LTO1: variants seen among roughly 807,000 people sequenced by gnomAD.
LTO1 encodes protein LTO1 homolog.
In LTO1, 18 loss-of-function variants were observed where a neutral mutation model predicts 19.8. The ratio of observed to expected loss-of-function variants is 0.91; its 90% CI spans 0.63 to 1.35. The LOEUF is 1.35. LTO1 is among the 40% of genes most tolerant of loss of function. The pLI is 0.00. For missense variants in LTO1, 175 were observed against 167.9 expected, an observed-to-expected ratio of 1.04 and a Z score of -0.23; for synonymous variants, 59 against 59.6, an observed-to-expected ratio of 0.99 and a Z score of 0.05.
chr11:69,673,051 C>T (rs571135984), intron 2 of LTO1, 165 bp downstream of exon 2: 2 of 682,048 alleles, frequency 2.9e-6, no homozygotes, highest in Non-Finnish European at 2.7e-6. Context: ...GATCCACCCA[C>T]CTCAGACTCC....
At position 69,673,271 on chromosome 11, in the gene LTO1, C is replaced by G; in HGVS notation, c.101G>C (p.Gly34Ala). The G allele has an allele frequency of 1.2e-6, 2 of 1,613,954 alleles. No individual in the cohort carries two copies. The highest frequency in any genetic ancestry group is 2.2e-5 in the South Asian group (2 of 91,072). Residue 34 changes from glycine to alanine, a missense_variant, in exon 2 of 5, where the codon GGT becomes GCT. Gly to Ala is a moderately conservative substitution (Grantham distance 60, BLOSUM62 0). Transcript: ENST00000279147. ...GCCATGCTGCCTTCCCTCCATCACA[C>G]CCAAACTACTGCCTTCTTCATAGCC... is the stretch of plus-strand genomic sequence containing the variant. Reference protein sequence around the residue: ...REGYEEGSSLGVMEGRQHGTL... With the variant: ...REGYEEGSSLAVMEGRQHGTL...
chr11:69,669,006 G>C (rs903947162), intron 3 of LTO1, among the ~76,000 whole-genome samples: 11 of 146,766 alleles, frequency 7.5e-5, no homozygotes, highest in Non-Finnish European at 1.5e-4. Context: ...CCAGCCTAGG[G>C]GACAGAGTGA....
In LTO1 at chr11:69,675,255, G is replaced by C; in HGVS notation, c.-16C>G. On this transcript the variant is annotated 5_prime_UTR_variant, in exon 1 of 5. Coordinates refer to ENST00000279147, the MANE Select transcript of LTO1 (RefSeq NM_153451.3). ...TGCCAGCCATAGCGGCAAGCAGCCC[G>C]CCCTTGGCCCCCGGGTTTCTGCAGC... 1 of 1,486,252 alleles carries C rather than the reference G, an allele frequency of 6.7e-7. No individual in the cohort carries two copies. The highest frequency in any genetic ancestry group is 8.9e-7 in the Non-Finnish European group (1 of 1,119,496). 92.1% of individuals were successfully genotyped at this position (1,486,252 alleles called of 1,614,324 possible).
At position 69,665,915 on chromosome 11, in the gene LTO1, T is replaced by C. The variant is rs1856026146; in HGVS notation, c.*1604A>G. 2 of 152,058 alleles carry C rather than the reference T, an allele frequency of 1.3e-5. No homozygotes were observed. The highest frequency in any genetic ancestry group is 4.8e-5 in the African/African-American group (2 of 41,376). 9.4% of individuals were successfully genotyped at this position (152,058 alleles called of 1,614,324 possible). Reference sequence around the variant, plus strand: ...CATGCCTGCAATTCCAGCACTTTGGTAGGTGGACGTGGGTGGATCATTTCA... The same window carrying C: ...CATGCCTGCAATTCCAGCACTTTGGCAGGTGGACGTGGGTGGATCATTTCA... On this transcript the variant is annotated 3_prime_UTR_variant, in exon 5 of 5. Coordinates refer to ENST00000279147, the MANE Select transcript of LTO1 (RefSeq NM_153451.3).
Position 69,672,023 on chromosome 11 carries a change from C to G in LTO1, c.157-204G>C, listed in dbSNP as rs1856117182. ...CAGCCAGCCTCCCAGATGCCCCAGT[C>G]CTCATCTCCTGGTACCCATGCCCTG... On this transcript the variant is annotated intron_variant, in intron 2 of 4. Coordinates refer to ENST00000279147, the MANE Select transcript of LTO1 (RefSeq NM_153451.3). The G allele has an allele frequency of 5.4e-6, 3 of 554,012 alleles. No homozygotes were observed. The East Asian group carries it at 9.7e-5, about 18-fold the overall frequency. 34.3% of individuals were successfully genotyped at this position (554,012 alleles called of 1,614,324 possible).
At chr11:69,670,875 A>C (rs1856099116) in intron 3 of LTO1, among the ~76,000 whole-genome samples, 1 of 152,188 alleles carries the variant, frequency 6.6e-6, no homozygotes, top group Non-Finnish European at 1.5e-5. Context: ...GGCTTCAGTA[A>C]GTACAATGCA....
intron 3 of LTO1, chr11:69,671,249 C>A: frequency 6.5e-6 from 1 of 154,888 alleles, no homozygotes; most frequent in South Asian, 2.0e-4. Context: ...CTAACACTTA[C>A]TGAGTGTTGA....
At chr11:69,674,595 G>A (rs1306033047) in intron 1 of LTO1, 2 of 366,354 alleles carry the variant, frequency 5.5e-6, no homozygotes, top group Non-Finnish European at 1.1e-5. Flanking sequence ...GTTTAGCTCA[G>A]TGTCTGACTC....
intron 3 of LTO1, among the ~76,000 whole-genome samples, chr11:69,671,126 C>G (rs1028883309): frequency 6.6e-6 from 1 of 152,124 alleles, no homozygotes; most frequent in Non-Finnish European, 1.5e-5. Flanking sequence ...GTCTCGAACT[C>G]TTGATCTCGT....
intron 3 of LTO1, among the ~76,000 whole-genome samples, chr11:69,668,683 T>C (rs1051117584): frequency 6.6e-6 from 1 of 151,764 alleles, no homozygotes; most frequent in Non-Finnish European, 1.5e-5. Context: ...TTGTTTTTTT[T>C]TTTTTAATGG....
chr11:69,667,851 G>C (rs190786983), intron 4 of LTO1, 44 bp downstream of exon 4: 2 of 996,298 alleles, frequency 2.0e-6, no homozygotes, highest in African/African-American at 3.2e-5. Flanking sequence ...TGGGAAAGGC[G>C]CAATCAGGTG....
chr11:69,669,646 C>G (rs909449531), intron 3 of LTO1, among the ~76,000 whole-genome samples: 3 of 152,196 alleles, frequency 2.0e-5, no homozygotes, highest in Admixed American at 6.5e-5. Flanking sequence ...ACACACCCAG[C>G]CGGGCGCACC....
chr11:69,669,937 T>C (rs554428230), intron 3 of LTO1, among the ~76,000 whole-genome samples: 24 of 152,150 alleles, frequency 1.6e-4, no homozygotes, highest in African/African-American at 5.8e-4. Flanking sequence ...CAGGTGTTTT[T>C]CTCTTAACAT....
chr11:69,670,605 T>C (rs552185910), intron 3 of LTO1, among the ~76,000 whole-genome samples: 7 of 152,150 alleles, frequency 4.6e-5, no homozygotes, highest in South Asian at 2.1e-4. Flanking sequence ...TCTTAAACAT[T>C]TGAATATTCA....
At chr11:69,671,611 C>A (rs1196819337) in intron 3 of LTO1, 138 bp downstream of exon 3, 1 of 660,072 alleles carries the variant, frequency 1.5e-6, no homozygotes, top group African/African-American at 1.8e-5. Context: ...CCTAACAACA[C>A]TCAAGCTTGA....
At chr11:69,668,118 A>G in intron 3 of LTO1, 106 bp from the exon 4 acceptor site, 1 of 676,242 alleles carries the variant, frequency 1.5e-6, no homozygotes, top group South Asian at 1.7e-5. Flanking sequence ...TGCGCTAAGA[A>G]TGCCTTCGTT....
At position 69,675,142 on chromosome 11, in the gene LTO1, G is replaced by A. The variant is rs138359601; in HGVS notation, c.50+48C>T. 11,803 of 1,562,830 alleles carry A rather than the reference G, an allele frequency of 7.6e-3. 50 individuals are homozygous for A. Among genetic ancestry groups the A allele is most frequent in the South Asian group, 0.012 (1,031 of 88,318 alleles). On this transcript the variant is annotated intron_variant, in intron 1 of 4. Coordinates refer to ENST00000279147, the MANE Select transcript of LTO1 (RefSeq NM_153451.3). Reference sequence around the variant, plus strand: ...GGCCGCAGCCGGCGGCGAAGCCGCTGGGAGACGACCAGACAGGGCGGGGTG... The same window carrying A: ...GGCCGCAGCCGGCGGCGAAGCCGCTAGGAGACGACCAGACAGGGCGGGGTG...
At chr11:69,674,802 C>T (rs1257629729) in intron 1 of LTO1, 1 of 481,914 alleles carries the variant, frequency 2.1e-6, no homozygotes, top group African/African-American at 2.0e-5. Flanking sequence ...GTACATCTAT[C>T]AGCACATCCA....
At chr11:69,673,146 A>G (rs896307334) in intron 2 of LTO1, 70 bp downstream of exon 2, 1 of 926,466 alleles carries the variant, frequency 1.1e-6, no homozygotes, top group African/African-American at 1.6e-5. Context: ...ACTCCATCAC[A>G]CTGAATATCG....
Sources: gnomAD v4.1 joint callset for allele counts (sites outside exome capture counted in the v4.1 genomes callset) on GRCh38, gnomAD v4.1.1 for gene constraint, MANE v1.5 for transcripts, NCBI Gene and HGNC (gene_info 2026-07-23, HGNC 2026-07-21) for gene names.